CDH19: variants seen among roughly 807,000 people sequenced by gnomAD.
CDH19 encodes cadherin 19, also known as cadherin-19.
In CDH19, 67 loss-of-function variants were observed where a neutral mutation model predicts 64.2. The ratio of observed to expected loss-of-function variants is 1.04; its 90% CI spans 0.86 to 1.28. The LOEUF is 1.28. Among genes scored for constraint, CDH19 ranks in the 50% most tolerant of loss-of-function variants. The pLI is 0.00. For missense variants in CDH19, 1,030 were observed against 929.0 expected, an observed-to-expected ratio of 1.11 and a Z score of -1.41; for synonymous variants, 346 against 319.3, an observed-to-expected ratio of 1.08 and a Z score of -0.89.
intron 1 of CDH19, among the ~76,000 whole-genome samples, chr18:66,575,778 A>G (rs1164659273): frequency 6.6e-6 from 1 of 151,904 alleles, no homozygotes; most frequent in Non-Finnish European, 1.5e-5. Flanking sequence ...GAATCACCAG[A>G]AATGGAAGGT....
chr18:66,525,379 T>G (rs574396813), intron 9 of CDH19, among the ~76,000 whole-genome samples: 1 of 152,230 alleles, frequency 6.6e-6, no homozygotes, highest in East Asian at 1.9e-4. Context: ...GCTTCATTGG[T>G]TTTAGTGTTC....
chr18:66,603,009 T>C (rs1432090508), intron 1 of CDH19, among the ~76,000 whole-genome samples: 2 of 151,134 alleles, frequency 1.3e-5, no homozygotes, highest in East Asian at 3.9e-4. Context: ...TAAATATATA[T>C]TACTAAATTT....
chr18:66,577,424 C>A (rs545117712), intron 1 of CDH19, among the ~76,000 whole-genome samples: 3 of 151,820 alleles, frequency 2.0e-5, no homozygotes, highest in East Asian at 3.9e-4. Context: ...AATACACCTA[C>A]ATTTATGTGA....
chr18:66,570,375 T>C (rs1988062952), intron 2 of CDH19, among the ~76,000 whole-genome samples: 2 of 151,710 alleles, frequency 1.3e-5, no homozygotes, highest in Admixed American at 1.3e-4. Context: ...AAAATGCATA[T>C]GTTAAACACA....
chr18:66,520,328 G>A (rs1167801851), intron 9 of CDH19, among the ~76,000 whole-genome samples: 1 of 141,954 alleles, frequency 7.0e-6, no homozygotes, highest in Non-Finnish European at 1.5e-5. Context: ...TAACTAGCTG[G>A]AAGAAAATAG....
intron 3 of CDH19, among the ~76,000 whole-genome samples, chr18:66,566,534 CT>C (rs1389483238): frequency 6.6e-6 from 1 of 151,818 alleles, no homozygotes; most frequent in Non-Finnish European, 1.5e-5. Context: ...ATCATTATTA[CT>C]TCCTCTTATT....
intron 11 of CDH19, among the ~76,000 whole-genome samples, chr18:66,507,722 A>G (rs1452373715): frequency 1.3e-5 from 2 of 151,926 alleles, no homozygotes; most frequent in Non-Finnish European, 2.9e-5. Context: ...ACGTTCTCTT[A>G]TACATTCCTC....
In CDH19 at chr18:66,573,361, C is replaced by T. The variant is rs575119063; in HGVS notation, c.-112-1045G>A. On this transcript the variant is annotated intron_variant, in intron 1 of 11. Coordinates refer to ENST00000262150, the MANE Select transcript of CDH19 (RefSeq NM_021153.4). ...TTAGAGATTTTTTAGGTCTTTGGCTCGTGTTAAGAGGAGTTGTTAAAAAAC... is the reference window on the plus strand; with the variant it reads ...TTAGAGATTTTTTAGGTCTTTGGCTTGTGTTAAGAGGAGTTGTTAAAAAAC... Among the ~76,000 whole-genome samples, 141 of 151,364 alleles carry T rather than the reference C, an allele frequency of 9.3e-4. 1 individual carries two copies. Among genetic ancestry groups the T allele is most frequent in the Non-Finnish European group, 1.7e-3 (114 of 67,704 alleles).
intron 5 of CDH19, among the ~76,000 whole-genome samples, chr18:66,550,075 T>A (rs1159983078): frequency 2.6e-5 from 4 of 152,190 alleles, no homozygotes; most frequent in African/African-American, 9.6e-5. Flanking sequence ...AATCATGCTA[T>A]GGTATATATT....
intron 9 of CDH19, among the ~76,000 whole-genome samples, chr18:66,529,264 T>A (rs1198184311): frequency 1.3e-5 from 2 of 151,680 alleles, no homozygotes; most frequent in East Asian, 3.9e-4. Context: ...GAAAAAACAT[T>A]CTGGTGTATT....
At chr18:66,565,035 T>C (rs972902556) in intron 3 of CDH19, among the ~76,000 whole-genome samples, 3 of 151,904 alleles carry the variant, frequency 2.0e-5, no homozygotes, top group African/African-American at 7.2e-5. Context: ...TTCTAATCAC[T>C]TATTTAGCAT....
intron 3 of CDH19, among the ~76,000 whole-genome samples, chr18:66,564,556 T>C (rs1367715578): frequency 2.0e-5 from 3 of 151,954 alleles, no homozygotes; most frequent in Non-Finnish European, 2.9e-5. Context: ...CTAGACAATA[T>C]ATTCTCCTTG....
chr18:66,507,326 T>C (rs777096741), intron 11 of CDH19, among the ~76,000 whole-genome samples: 9 of 151,866 alleles, frequency 5.9e-5, no homozygotes, highest in South Asian at 4.1e-4. Flanking sequence ...TTGAGAAAGA[T>C]AAGTTAAGTG....
At chr18:66,532,723 G>A (rs527678187) in intron 8 of CDH19, 1 of 451,930 alleles carries the variant, frequency 2.2e-6, no homozygotes, top group Non-Finnish European at 4.4e-6. Flanking sequence ...CTAGATGTGG[G>A]GAAGGATAGG....
intron 8 of CDH19, among the ~76,000 whole-genome samples, chr18:66,533,784 G>A (rs1403553091): frequency 2.0e-5 from 3 of 152,014 alleles, no homozygotes; most frequent in Non-Finnish European, 4.4e-5. Context: ...TAATTGCTAT[G>A]GTGAAAGCTT....
At position 66,597,674 on chromosome 18, in the gene CDH19, T is replaced by C. The variant is rs541444722; in HGVS notation, c.-113+6280A>G. On this transcript the variant is annotated intron_variant, in intron 1 of 11. Coordinates refer to ENST00000262150, the MANE Select transcript of CDH19 (RefSeq NM_021153.4). ...CGGAGCAAACAGACAACACACAGAA[T>C]CAGAGAAAATATTTGCAAACTATTC... 1.3e-5 allele frequency among the ~76,000 whole-genome samples: 2 copies of C among 152,102 alleles called. 1 individual carries two copies. The highest frequency in any genetic ancestry group is 4.8e-5 in the African/African-American group (2 of 41,502).
intron 1 of CDH19, among the ~76,000 whole-genome samples, chr18:66,601,158 T>G (rs1265690373): frequency 6.6e-6 from 1 of 151,954 alleles, no homozygotes; most frequent in African/African-American, 2.4e-5. Flanking sequence ...TTTAGTAGTA[T>G]TATCTCTACA....
At chr18:66,550,958 C>A (rs1388250107) in intron 5 of CDH19, 136 bp downstream of exon 5, 1 of 504,584 alleles carries the variant, frequency 2.0e-6, no homozygotes, top group Non-Finnish European at 3.5e-6. Flanking sequence ...ATAATCATAC[C>A]AGAACAATTG....
intron 1 of CDH19, among the ~76,000 whole-genome samples, chr18:66,591,408 G>C (rs1988739478): frequency 6.6e-6 from 1 of 151,856 alleles, no homozygotes. Flanking sequence ...AAGCCATGCA[G>C]GAGAGGGCTC....
Sources: allele counts gnomAD v4.1 joint callset (sites outside exome capture counted in the v4.1 genomes callset), GRCh38; gene constraint gnomAD v4.1.1; transcripts MANE v1.5; gene names NCBI Gene and HGNC (gene_info 2026-07-23, HGNC 2026-07-21).